AGMO: variants seen among roughly 807,000 people sequenced by gnomAD.
The protein encoded by AGMO is glyceryl-ether monooxygenase.
In AGMO, 75 loss-of-function variants were observed where a neutral mutation model predicts 60.2. The observed-to-expected ratio is 1.25, with a 90% confidence interval of 1.03 to 1.51. AGMO has a LOEUF of 1.51. AGMO is among the 40% of genes most tolerant of loss of function. The pLI, the probability that AGMO is intolerant of heterozygous loss-of-function variation, is 0.00. For missense variants in AGMO, 763 were observed against 525.5 expected (o/e 1.45, Z -4.42); for synonymous variants, 261 against 177.1 (o/e 1.47, Z -3.76).
At chr7:15,215,664 T>C (rs1464168738) in intron 12 of AGMO, among the ~76,000 whole-genome samples, 1 of 152,074 alleles carries the variant, frequency 6.6e-6, no homozygotes, top group Non-Finnish European at 1.5e-5. Flanking sequence ...GTTTATAATA[T>C]TTGTGTATAG....
At chr7:15,228,595 G>A (rs572597353) in intron 12 of AGMO, among the ~76,000 whole-genome samples, 1 of 152,004 alleles carries the variant, frequency 6.6e-6, no homozygotes, top group African/African-American at 2.4e-5. Context: ...AAGTGAAAGA[G>A]CAAGTCATTA....
rs79419035 is a variant in AGMO at position 15,324,976 on chromosome 7, A to G, written c.1263+40538T>C. 0.014 allele frequency among the ~76,000 whole-genome samples: 2,084 copies of G among 152,232 alleles called. 126 individuals carry two copies. In the East Asian group the frequency reaches 0.22, roughly 16 times the overall value. On this transcript the variant is annotated intron_variant, in intron 12 of 12. Coordinates refer to ENST00000342526, the MANE Select transcript of AGMO (RefSeq NM_001004320.2). ...CTAGTGAATCTCTGTAGGCCACTCC[A>G]AACCAAAGTAAAATTAAAAATTAAA... is the stretch of plus-strand genomic sequence containing the variant.
At chr7:15,539,392 G>C (rs1039869556) in intron 3 of AGMO, among the ~76,000 whole-genome samples, 1 of 152,054 alleles carries the variant, frequency 6.6e-6, no homozygotes, top group African/African-American at 2.4e-5. Context: ...GAGAACATGT[G>C]GTATGTGGTT....
chr7:15,365,671 G>T (rs754094409), intron 11 of AGMO, 52 bp from the exon 12 acceptor site: 2 of 1,191,872 alleles, frequency 1.7e-6, no homozygotes, highest in Non-Finnish European at 2.5e-6. Flanking sequence ...CTCTTTATAT[G>T]TTCACATGTT....
rs183233132 is a variant in AGMO, at chr7:15,366,215, G to A, written c.1082C>T (p.Ser361Leu). 59 of 1,602,982 alleles carry A rather than the reference G, an allele frequency of 3.7e-5. No homozygotes were observed. In the East Asian group the frequency reaches 8.0e-4, roughly 22 times the overall value. ...EETFADTAAL[S>L]QVTLLLRVCF... ...AACCCTCAGAAGGAGAGTAACTTGCGACAGTGCCTGTCAAACAAACACGGA... is the reference window on the plus strand; with the variant it reads ...AACCCTCAGAAGGAGAGTAACTTGCAACAGTGCCTGTCAAACAAACACGGA... The change falls in exon 11 of 13, where the codon TCG (serine) becomes TTG (leucine). Residue 361 changes from serine to leucine, a missense_variant. Physicochemically the swap from Ser to Leu is moderately radical, Grantham distance 145. Coordinates refer to ENST00000342526, the MANE Select transcript of AGMO (RefSeq NM_001004320.2).
intron 3 of AGMO, among the ~76,000 whole-genome samples, chr7:15,432,481 T>C (rs1049034093): frequency 1.3e-5 from 2 of 151,130 alleles, no homozygotes; most frequent in Admixed American, 1.3e-4. Context: ...AAAAAGGTCT[T>C]GGTAAACAAA....
At chr7:15,360,652 G>A (rs1782714761) in intron 12 of AGMO, among the ~76,000 whole-genome samples, 1 of 150,494 alleles carries the variant, frequency 6.6e-6, no homozygotes, top group African/African-American at 2.5e-5. Context: ...GGTGGAGGAG[G>A]TGGATGAGGT....
chr7:15,188,078 A>G, the AGMO span, among the ~76,000 whole-genome samples: 1 of 152,194 alleles, frequency 6.6e-6, no homozygotes, highest in Non-Finnish European at 1.5e-5. Context: ...GAACGAGGCT[A>G]CTTCCCAAAT....
At chr7:15,437,107 G>C (rs1248744837) in intron 3 of AGMO, among the ~76,000 whole-genome samples, 1 of 152,022 alleles carries the variant, frequency 6.6e-6, no homozygotes, top group African/African-American at 2.4e-5. Context: ...ATTAGTAACA[G>C]ACTCAAGCTA....
At chr7:15,130,272 TG>T in the AGMO span, among the ~76,000 whole-genome samples, 1 of 152,024 alleles carries the variant, frequency 6.6e-6, no homozygotes, top group Admixed American at 6.6e-5. Context: ...TGTTTCAAAG[TG>T]TCATGTCTTT....
intron 5 of AGMO, among the ~76,000 whole-genome samples, chr7:15,399,855 C>T (rs1249702068): frequency 6.6e-6 from 1 of 152,188 alleles, no homozygotes; most frequent in African/African-American, 2.4e-5. Flanking sequence ...CAAAGCTGTT[C>T]ACATTCTTTC....
At chr7:15,330,603 A>G (rs528191079) in intron 12 of AGMO, among the ~76,000 whole-genome samples, 1 of 152,214 alleles carries the variant, frequency 6.6e-6, no homozygotes, top group Admixed American at 6.5e-5. Flanking sequence ...GAGTATCTAC[A>G]GAAGCCTTCC....
At chr7:15,124,795 T>C in the AGMO span, among the ~76,000 whole-genome samples, 1 of 152,052 alleles carries the variant, frequency 6.6e-6, no homozygotes, top group South Asian at 2.1e-4. Flanking sequence ...TTCTTGTAAC[T>C]GGATTCAGAA....
chr7:15,242,097 T>G (rs1175491069), intron 12 of AGMO, among the ~76,000 whole-genome samples: 4 of 152,096 alleles, frequency 2.6e-5, no homozygotes, highest in African/African-American at 9.7e-5. Context: ...ATAATTAAAT[T>G]TTTCCCCAAA....
intron 4 of AGMO, among the ~76,000 whole-genome samples, chr7:15,418,881 C>G (rs1357251955): frequency 6.6e-6 from 1 of 151,604 alleles, no homozygotes; most frequent in Non-Finnish European, 1.5e-5. Context: ...TTAATATTGT[C>G]TAGTTAAAAT....
chr7:15,522,677 C>T lies in AGMO; in HGVS notation c.409+22095G>A, dbSNP rs186601269. On this transcript the variant is annotated intron_variant, in intron 3 of 12. Coordinates refer to ENST00000342526, the MANE Select transcript of AGMO (RefSeq NM_001004320.2). ...ACTGAAACCGGACCCCTTCCTTACA[C>T]CTTATACAAAAATTAACTCGAGATT... Among the ~76,000 whole-genome samples the T allele has an allele frequency of 4.4e-3, 665 of 152,204 alleles. 2 individuals carry two copies. The highest frequency in any genetic ancestry group is 7.6e-3 in the Non-Finnish European group (520 of 68,016).
chr7:15,122,277 A>G, the AGMO span, among the ~76,000 whole-genome samples: 2 of 152,008 alleles, frequency 1.3e-5, no homozygotes, highest in East Asian at 1.9e-4. Flanking sequence ...TTCTTAATCT[A>G]CTTTGTTCAT....
chr7:15,482,892 T>C (rs1178413178), intron 3 of AGMO, among the ~76,000 whole-genome samples: 1 of 152,220 alleles, frequency 6.6e-6, no homozygotes, highest in African/African-American at 2.4e-5. Context: ...TATAAGCATG[T>C]CAATAGATGT....
chr7:15,438,998 T>C (rs1223034710), intron 3 of AGMO, among the ~76,000 whole-genome samples: 1 of 152,202 alleles, frequency 6.6e-6, no homozygotes, highest in Non-Finnish European at 1.5e-5. Context: ...AGGAAACTAG[T>C]AAGCTGGTGC....
Sources: gnomAD v4.1 joint callset for allele counts (sites outside exome capture counted in the v4.1 genomes callset) on GRCh38, gnomAD v4.1.1 for gene constraint, MANE v1.5 for transcripts, NCBI Gene and HGNC (gene_info 2026-07-23, HGNC 2026-07-21) for gene names.